The following LOXL3 variants were observed in gnomAD, a reference collection of about 807,000 sequenced individuals.
LOXL3 encodes the protein lysyl oxidase homolog 3.
LOXL3 carries 60 observed loss-of-function variants against 91.8 expected under a neutral mutation model. The observed-to-expected ratio is 0.65, with a 90% CI of 0.53 to 0.81. The LOEUF (loss-of-function observed/expected upper bound fraction) is 0.81. Ranked by LOEUF, LOXL3 falls within the 30% of genes least tolerant of loss-of-function variation. LOXL3 has a pLI of 0.00. For synonymous variants in LOXL3, 355 were observed against 387.6 expected, an observed-to-expected ratio of 0.92 and a Z score of 0.99; for missense variants, 874 against 1,000.4, an observed-to-expected ratio of 0.87 and a Z score of 1.70.
upstream of LOXL3, chr2:74,555,428 A>C (rs55910560): frequency 6.2e-7 from 1 of 1,610,496 alleles, no homozygotes; most frequent in Admixed American, 1.7e-5. This position sits in a 1 kb window ranked among gnomAD's most constrained non-coding sequence, Gnocchi z 6.1. Context: ...GCCTGGGTGC[A>C]GACGCTGTGC....
chr2:74,544,153 A>G (rs1012034504), intron 4 of LOXL3, among the ~76,000 whole-genome samples: 2 of 151,654 alleles, frequency 1.3e-5, no homozygotes, highest in Admixed American at 6.6e-5. Flanking sequence ...AAAATACAAA[A>G]ATTAGCTGGG....
rs376063512 is a variant in LOXL3, at chr2:74,536,180, T to C, written c.1094-30A>G. On this transcript the variant is annotated intron_variant, in intron 6 of 13. Coordinates refer to ENST00000264094, the MANE Select transcript of LOXL3 (RefSeq NM_032603.5). This position sits in a 1 kb window ranked among gnomAD's most constrained non-coding sequence, Gnocchi z 4.5. ...GGCCAGATGGCAAAGATCAGGAAGT[T>C]GTAATTAAGCATATATTGTCTGCCC... 4.3e-6 allele frequency: 7 copies of C among 1,612,446 alleles called. No individual in the cohort carries two copies. In the Admixed American group the frequency reaches 6.7e-5, roughly 15 times the overall value.
chr2:74,552,605 G>A lies in LOXL3; in HGVS notation c.30C>T (p.Ser10=). 3 of 1,584,238 alleles carry A rather than the reference G, an allele frequency of 1.9e-6. No homozygotes were observed. The highest frequency in any genetic ancestry group is 2.6e-6 in the Non-Finnish European group (3 of 1,160,524). ...GCAGGCACAGCAGCAGCCCCCAGGG[G>A]CTCCACTGCCAGACACTGACAGGTC... MRPVSVWQW[S]PWGLLLCLLC... The change falls in exon 2 of 14, where the codon AGC becomes AGT. Residue 10 remains serine, a synonymous_variant. Transcript: ENST00000264094.
In LOXL3 at chr2:74,535,209, T is replaced by G. The variant is rs910233282; in HGVS notation, c.1579+83A>C. On this transcript the variant is annotated intron_variant, in intron 9 of 13. Coordinates refer to ENST00000264094, the MANE Select transcript of LOXL3 (RefSeq NM_032603.5). This position sits in a 1 kb window ranked among gnomAD's most constrained non-coding sequence, Gnocchi z 4.2. Reference sequence around the variant, plus strand: ...CTCTTTTATGGGGAAGAAGTGCCCCTCCAGATTACAGCCCCCTTTCCCTGC... The same window carrying G: ...CTCTTTTATGGGGAAGAAGTGCCCCGCCAGATTACAGCCCCCTTTCCCTGC... 3.1e-4 allele frequency: 451 copies of G among 1,472,728 alleles called. 1 individual carries two copies. The highest frequency in any genetic ancestry group is 3.7e-4 in the Non-Finnish European group (407 of 1,092,380). The allele number at this position is 1,472,728 out of a possible 1,614,324, so 91.2% of individuals were successfully genotyped here.
chr2:74,541,667 T>G (rs1676329185), intron 4 of LOXL3, among the ~76,000 whole-genome samples: 3 of 152,136 alleles, frequency 2.0e-5, no homozygotes, highest in Admixed American at 6.5e-5. Flanking sequence ...TTCACCTTGA[T>G]CTCCAGAGTA....
Position 74,535,914 on chromosome 2 carries a change from TG to T in LOXL3, c.1248+81del. The stretch of plus-strand genomic sequence containing the variant: ...AGGGCAGGGGCCTGGGGCAATGGGC[TG>T]GGGGCCATTGGACTGTAGATTGGAG... On this transcript the variant is annotated intron_variant, in intron 7 of 13. Transcript: ENST00000264094. This position sits in a 1 kb window ranked among gnomAD's most constrained non-coding sequence, Gnocchi z 4.2. 2 of 1,494,834 alleles carry T rather than the reference TG, an allele frequency of 1.3e-6. No homozygotes were observed. The highest frequency in any genetic ancestry group is 1.8e-6 in the Non-Finnish European group (2 of 1,122,588). The allele number at this position is 1,494,834 out of a possible 1,614,324, so 92.6% of individuals were successfully genotyped here. A position where few individuals can be genotyped will look rare whatever the true frequency, so the allele number is the denominator to read the frequency against.
Position 74,535,373 on chromosome 2 carries a change from C to T in LOXL3, c.1498G>A (p.Asp500Asn), listed in dbSNP as rs1675955800. The T allele has an allele frequency of 6.2e-7, 1 of 1,613,948 alleles. No individual in the cohort carries two copies. The highest frequency in any genetic ancestry group is 1.3e-5 in the African/African-American group (1 of 74,926). ...TGGGTGCCATGATGGGCACACTGAT[C>T]CAGGGACAGCTCAGTCCCTGTGCAG... is the stretch of plus-strand genomic sequence containing the variant. Reference protein sequence around the residue: ...VRCTGTELSLDQCAHHGTHIT... With the variant: ...VRCTGTELSLNQCAHHGTHIT... The change falls in exon 9 of 14, where the codon GAT (aspartate) becomes AAT (asparagine). Residue 500 changes from aspartate (D) to asparagine (N), a missense_variant. Physicochemically the swap from Asp to Asn is conservative, Grantham distance 23. Coordinates refer to ENST00000264094, the MANE Select transcript of LOXL3 (RefSeq NM_032603.5). The surrounding 1 kb of genome is among the most constrained non-coding windows in gnomAD (Gnocchi z 4.2).
Position 74,536,995 on chromosome 2 carries a change from C to T in LOXL3, c.693-67G>A. On this transcript the variant is annotated intron_variant, in intron 4 of 13. Transcript: ENST00000264094. The surrounding 1 kb of genome is among the most constrained non-coding windows in gnomAD (Gnocchi z 4.5). Reference sequence around the variant, plus strand: ...TCCTGCCTCTTGGCCCCACAAACATCCTCCCACTTCATGCCTCCACCATGC... The same window carrying T: ...TCCTGCCTCTTGGCCCCACAAACATTCTCCCACTTCATGCCTCCACCATGC... 1 of 1,301,226 alleles carries T rather than the reference C, an allele frequency of 7.7e-7. No individual in the cohort carries two copies. Among genetic ancestry groups the T allele is most frequent in the Admixed American group, 1.9e-5 (1 of 52,464 alleles). 80.6% of individuals were successfully genotyped at this position (1,301,226 alleles called of 1,614,324 possible).
At chr2:74,548,441 G>A (rs910466347) in intron 4 of LOXL3, among the ~76,000 whole-genome samples, 19 of 152,176 alleles carry the variant, frequency 1.2e-4, no homozygotes, top group African/African-American at 4.6e-4. Context: ...ATCCGAGCAC[G>A]CTTCAGTCGG....
chr2:74,543,399 A>C (rs1676426754), intron 4 of LOXL3, among the ~76,000 whole-genome samples: 1 of 152,170 alleles, frequency 6.6e-6, no homozygotes, highest in Non-Finnish European at 1.5e-5. Context: ...AAGTAATCTG[A>C]AATGTAATGT....
Position 74,536,739 on chromosome 2 carries a change from C to T in LOXL3, c.882G>A (p.Lys294=), listed in dbSNP as rs200066407. The change falls in exon 5 of 14, where the codon AAG becomes AAA. Residue 294 remains lysine, a synonymous_variant. Transcript: ENST00000264094. The surrounding 1 kb of genome is among the most constrained non-coding windows in gnomAD (Gnocchi z 4.5). ...GPVYAASSGQ[K]KQQQSKPQGE... ...CCTGAGGCTTCGACTGTTGTTGCTT[C>T]TTCTGGCCACTGGATGCCGCGTAGA... The T allele has an allele frequency of 6.3e-5, 102 of 1,614,122 alleles. No individual in the cohort carries two copies. The highest frequency in any genetic ancestry group is 8.4e-5 in the Non-Finnish European group (99 of 1,180,046).
At chr2:74,548,449 C>G (rs1676744084) in intron 4 of LOXL3, among the ~76,000 whole-genome samples, 1 of 152,088 alleles carries the variant, frequency 6.6e-6, no homozygotes, top group Non-Finnish European at 1.5e-5. Context: ...ACGCTTCAGT[C>G]GGGGTTGAGG....
At chr2:74,555,376 C>T (rs750612084), upstream of LOXL3, 2 of 1,613,142 alleles carry the variant, frequency 1.2e-6, no homozygotes, top group African/African-American at 1.3e-5. The surrounding 1 kb of genome is among the most constrained non-coding windows in gnomAD (Gnocchi z 6.1). Context: ...GGACACTGCT[C>T]AGCGCTCGCA....
intron 1 of LOXL3, 136 bp downstream of exon 1, chr2:74,553,740 G>C (rs982648340): frequency 1.3e-5 from 2 of 152,426 alleles, no homozygotes; most frequent in African/African-American, 4.8e-5. Flanking sequence ...TGTCTCACTT[G>C]CCCTTTGACA....
At chr2:74,555,530 T>C, upstream of LOXL3, 1 of 1,613,534 alleles carries the variant, frequency 6.2e-7, no homozygotes, top group Non-Finnish European at 8.5e-7. This position sits in a 1 kb window ranked among gnomAD's most constrained non-coding sequence, Gnocchi z 6.1. Flanking sequence ...CGACCCCCGC[T>C]CCCCGCTGAG....
At chr2:74,553,615 T>C (rs766598031) in intron 1 of LOXL3, among the ~76,000 whole-genome samples, 46 of 152,222 alleles carry the variant, frequency 3.0e-4, no homozygotes, top group Admixed American at 4.6e-4. Flanking sequence ...TTGTTCTGGG[T>C]TGGGGACCCA....
Position 74,536,139 on chromosome 2 carries a change from T to C in LOXL3, c.1105A>G (p.Ile369Val), listed in dbSNP as rs770187289. The C allele has an allele frequency of 8.1e-6, 13 of 1,613,760 alleles. No individual in the cohort carries two copies. The highest frequency in any genetic ancestry group is 2.2e-5 in the East Asian group (1 of 44,884). The change falls in exon 7 of 14, where the codon ATC becomes GTC. Residue 369 changes from isoleucine (I) to valine (V), a missense_variant. Physicochemically the swap from Ile to Val is conservative, Grantham distance 29. Transcript: ENST00000264094. The surrounding 1 kb of genome is among the most constrained non-coding windows in gnomAD (Gnocchi z 4.5). ...GAGCAGCGAACTTCACTCAGGTGGATAGCACCCATGCCTAGGGCCAGATGG... is the reference window on the plus strand; with the variant it reads ...GAGCAGCGAACTTCACTCAGGTGGACAGCACCCATGCCTAGGGCCAGATGG... ...GARMGQGMGA[I>V]HLSEVRCSGQ...
chr2:74,537,633 C>T (rs746838624), intron 4 of LOXL3, among the ~76,000 whole-genome samples: 6 of 152,198 alleles, frequency 3.9e-5, no homozygotes, highest in East Asian at 1.9e-4. Flanking sequence ...AAAGACATCC[C>T]AGGACCTGTG....
Position 74,550,834 on chromosome 2 carries a change from G to A in LOXL3, c.314-486C>T, listed in dbSNP as rs118182946. Among the ~76,000 whole-genome samples the A allele has an allele frequency of 1.2e-3, 185 of 152,246 alleles. 2 individuals are homozygous for A. The East Asian group carries it at 0.032, about 26-fold the overall frequency. On this transcript the variant is annotated intron_variant, in intron 2 of 13. Coordinates refer to ENST00000264094, the MANE Select transcript of LOXL3 (RefSeq NM_032603.5). ...GGAGTTTGATCTATCTGTGAGGCTT[G>A]GATGTCTAAGATCCTTTCTTCACAT... is the stretch of plus-strand genomic sequence containing the variant.
Sources: gnomAD v4.1 joint callset for allele counts (sites outside exome capture counted in the v4.1 genomes callset) on GRCh38, gnomAD v4.1.1 for gene constraint, Gnocchi (gnomAD v3.1) non-coding constraint, MANE v1.5 for transcripts, NCBI Gene and HGNC (gene_info 2026-07-23, HGNC 2026-07-21) for gene names.